The following MAGEB6 variants were observed in gnomAD, a reference collection of about 807,000 sequenced individuals.
MAGEB6 encodes the protein MAGE family member B6.
For synonymous variants in MAGEB6, 128 were observed against 136.2 expected, an observed-to-expected ratio of 0.94 and a Z score of 0.42; for missense variants, 327 against 329.7, an observed-to-expected ratio of 0.99 and a Z score of 0.06.
At chrX:26,193,605 T>C (rs1385704769) in intron 1 of MAGEB6, among the ~76,000 whole-genome samples, 181 bp from the exon 2 acceptor site, 30 of 109,971 alleles carry the variant, frequency 2.7e-4, no homozygotes, top group African/African-American at 9.6e-4. Flanking sequence ...GCTGTCATGC[T>C]ATAGTCTAAT....
chrX:26,194,436 A>G lies in MAGEB6; in HGVS notation c.590A>G (p.Lys197Arg). The change falls in exon 2 of 2, where the codon AAG (lysine) becomes AGG (arginine). Residue 197 changes from lysine to arginine, a missense_variant. By Grantham distance (26) the Lys-to-Arg change is conservative. Coordinates refer to ENST00000379034, the MANE Select transcript of MAGEB6 (RefSeq NM_173523.2). ...CGCTTAAGCAAAGATGCTGTAAAGA[A>G]GAAGGCGTGCACGTTGGCGCAATTC... The part of the protein sequence containing the change: ...FKRLSKDAVK[K>R]KACTLAQFLQ... 1 of 1,212,172 alleles carries G rather than the reference A, an allele frequency of 8.2e-7. No homozygotes were observed. The highest frequency in any genetic ancestry group is 1.1e-6 in the Non-Finnish European group (1 of 895,635).
Position 26,193,692 on chromosome X carries a change from G to C in MAGEB6, c.-61-94G>C, listed in dbSNP as rs1816677144. On this transcript the variant is annotated intron_variant, in intron 1 of 1. Transcript: ENST00000379034. ...AGTCCTGTGGGTTCCTAGAGCAGCT[G>C]TTCTGCGGAAACCTGCAGAAGGGGC... 3 of 514,664 alleles carry C rather than the reference G, an allele frequency of 5.8e-6. No homozygotes were observed. The Admixed American group carries it at 1.2e-4, about 21-fold the overall frequency. 42.4% of individuals were successfully genotyped at this position (514,664 alleles called of 1,213,427 possible). A position where few individuals can be genotyped will look rare whatever the true frequency, so the allele number is the denominator to read the frequency against.
chrX:26,194,538 C>T lies in MAGEB6; in HGVS notation c.692C>T (p.Pro231Leu). The stretch of plus-strand genomic sequence containing the variant: ...AAGTGTGTCCGCAGAGAGTACAAGC[C>T]CTACTTCCCTCAGATCCTCAACAGA... Reference protein sequence around the residue: ...MLKCVRREYKPYFPQILNRTS... With the variant: ...MLKCVRREYKLYFPQILNRTS... The change falls in exon 2 of 2, where the codon CCC becomes CTC. Residue 231 changes from proline (P) to leucine (L), a missense_variant. Transcript: ENST00000379034. 8.3e-7 allele frequency: 1 copy of T among 1,211,131 alleles called. No individual in the cohort carries two copies. Among genetic ancestry groups the T allele is most frequent in the Non-Finnish European group, 1.1e-6 (1 of 895,218 alleles).
At position 26,194,609 on chromosome X, in the gene MAGEB6, A is replaced by G; in HGVS notation, c.763A>G (p.Met255Val). 2 of 1,210,672 alleles carry G rather than the reference A, an allele frequency of 1.7e-6. No individual in the cohort carries two copies. Among genetic ancestry groups the G allele is most frequent in the Non-Finnish European group, 2.2e-6 (2 of 895,198 alleles). Residue 255 changes from methionine (M) to valine (V), a missense_variant, in exon 2 of 2, where the codon ATG becomes GTG. Coordinates refer to ENST00000379034, the MANE Select transcript of MAGEB6 (RefSeq NM_173523.2). ...GGCCTTTGGCGTTGAATTGAAAGAA[A>G]TGGATTCCAGCGGCGAGTCCTACAC... ...VVAFGVELKEMDSSGESYTLV... is the reference protein window; with the variant it reads ...VVAFGVELKEVDSSGESYTLV...
At chrX:26,193,053 C>T (rs185739677) in intron 1 of MAGEB6, among the ~76,000 whole-genome samples, 2 of 110,861 alleles carry the variant, frequency 1.8e-5, no homozygotes, top group African/African-American at 6.6e-5. Context: ...ACTCAAATGC[C>T]TCCGCTGTTG....
chrX:26,194,092 C>A lies in MAGEB6; in HGVS notation c.246C>A (p.Ser82=), dbSNP rs1265822439. ...ATGCAGTTGTTTCATATTCAAAATC[C>A]GATGTGGCTGCCAACGGCCAAGATG... ...SPDAVVSYSK[S]DVAANGQDEK... Residue 82 remains serine, a synonymous_variant, in exon 2 of 2, where the codon TCC becomes TCA. Coordinates refer to ENST00000379034, the MANE Select transcript of MAGEB6 (RefSeq NM_173523.2). 8.3e-7 allele frequency: 1 copy of A among 1,209,993 alleles called. No homozygotes were observed. The highest frequency in any genetic ancestry group is 1.1e-6 in the Non-Finnish European group (1 of 895,045).
rs1437536388 is a variant in MAGEB6 at position 26,194,747 on chromosome X, T to A, written c.901T>A (p.Cys301Ser). The A allele has an allele frequency of 8.3e-7, 1 of 1,209,776 alleles. No homozygotes were observed. The highest frequency in any genetic ancestry group is 2.2e-5 in the Admixed American group (1 of 45,678). Residue 301 changes from cysteine to serine, a missense_variant, in exon 2 of 2, where the codon TGT becomes AGT. Transcript: ENST00000379034. ...GGTTGTGATCTTCATGAACGGCAACTGTGCCACTGAAGAGGAGGTCTGGGA... is the reference window on the plus strand; with the variant it reads ...GGTTGTGATCTTCATGAACGGCAACAGTGCCACTGAAGAGGAGGTCTGGGA... ...LLVVIFMNGN[C>S]ATEEEVWEFL...
At chrX:26,192,832 G>A (rs776146270) in intron 1 of MAGEB6, among the ~76,000 whole-genome samples, 2 of 111,788 alleles carry the variant, frequency 1.8e-5, no homozygotes, top group Non-Finnish European at 3.8e-5. Context: ...GGGTTGCACC[G>A]AACTCTGCCC....
chrX:26,194,724 T>G lies in MAGEB6; in HGVS notation c.878T>G (p.Val293Gly), dbSNP rs753566928. 23 of 1,209,183 alleles carry G rather than the reference T, an allele frequency of 1.9e-5. No homozygotes were observed. In the Admixed American group the frequency reaches 4.2e-4, roughly 22 times the overall value. ...PKSGLLMSLL[V>G]VIFMNGNCAT... ...TCGGGTCTCCTGATGTCGCTCCTGG[T>G]TGTGATCTTCATGAACGGCAACTGT... Residue 293 changes from valine (V) to glycine (G), a missense_variant, in exon 2 of 2, where the codon GTT becomes GGT. Physicochemically the swap from Val to Gly is moderately radical, Grantham distance 109. Transcript: ENST00000379034.
intron 1 of MAGEB6, among the ~76,000 whole-genome samples, chrX:26,192,813 T>C (rs1349879196): frequency 8.9e-6 from 1 of 111,887 alleles, no homozygotes; most frequent in Non-Finnish European, 1.9e-5. Flanking sequence ...GGATTCCATG[T>C]CCCGTAACGG....
In MAGEB6 at chrX:26,194,382, G is replaced by A. The variant is rs755535839; in HGVS notation, c.536G>A (p.Ser179Asn). ...GAGGGTGAAGATGAGGAAAGTGTAA[G>A]CGCCTCACAGAAAGCCATCATTTTT... ...AAEGEDEESV[S>N]ASQKAIIFKR... Residue 179 changes from serine (S) to asparagine (N), a missense_variant, in exon 2 of 2, where the codon AGC becomes AAC. Coordinates refer to ENST00000379034, the MANE Select transcript of MAGEB6 (RefSeq NM_173523.2). The A allele has an allele frequency of 1.2e-5, 15 of 1,210,742 alleles. No individual in the cohort carries two copies. The South Asian group carries it at 2.3e-4, about 18-fold the overall frequency.
rs767084349 is a variant in MAGEB6 at position 26,194,710 on chromosome X, G to A, written c.864G>A (p.Leu288=). ...GDNALPKSGL[L]MSLLVVIFMN... ...ATGCGCTGCCGAAGTCGGGTCTCCTGATGTCGCTCCTGGTTGTGATCTTCA... is the reference window on the plus strand; with the variant it reads ...ATGCGCTGCCGAAGTCGGGTCTCCTAATGTCGCTCCTGGTTGTGATCTTCA... The change falls in exon 2 of 2, where the codon CTG becomes CTA. Residue 288 remains leucine (L), a synonymous_variant. Transcript: ENST00000379034. The A allele has an allele frequency of 8.3e-7, 1 of 1,211,645 alleles. No homozygotes were observed. Among genetic ancestry groups the A allele is most frequent in the South Asian group, 1.8e-5 (1 of 56,968 alleles).
intron 1 of MAGEB6, among the ~76,000 whole-genome samples, chrX:26,192,915 CAG>C (rs1366920296): frequency 1.8e-5 from 2 of 111,279 alleles, no homozygotes; most frequent in Non-Finnish European, 3.8e-5. Flanking sequence ...CTGTGAGAGT[CAG>C]AGAGGTAGGC....
rs755446278 is a variant in MAGEB6, at chrX:26,194,294, G to C, written c.448G>C (p.Gly150Arg). The change falls in exon 2 of 2, where the codon GGA (glycine) becomes CGA (arginine). Residue 150 changes from glycine (G) to arginine (R), a missense_variant. Transcript: ENST00000379034. ...TGTCTCCGTTCCTCAGGAGTCTCAG[G>C]GAGCTTCACCCACTGGCTCGCCTGA... ...HDVSVPQESQ[G>R]ASPTGSPDAG... is the part of the protein sequence containing the mutation. 8.3e-6 allele frequency: 10 copies of C among 1,207,784 alleles called. No homozygotes were observed. Among genetic ancestry groups the C allele is most frequent in the Non-Finnish European group, 1.1e-5 (10 of 894,835 alleles).
Position 26,194,653 on chromosome X carries a change from C to A in MAGEB6, c.807C>A (p.Gly269=), listed in dbSNP as rs1400089887. The change falls in exon 2 of 2, where the codon GGC becomes GGA. Residue 269 remains glycine (G), a synonymous_variant. Coordinates refer to ENST00000379034, the MANE Select transcript of MAGEB6 (RefSeq NM_173523.2). ...GESYTLVSKL[G]LPSEGILSGD... Reference sequence around the variant, plus strand: ...CCTACACCCTTGTCAGCAAGCTAGGCCTCCCCAGTGAAGGAATTCTGAGTG... The same window carrying A: ...CCTACACCCTTGTCAGCAAGCTAGGACTCCCCAGTGAAGGAATTCTGAGTG... 2 of 1,211,396 alleles carry A rather than the reference C, an allele frequency of 1.7e-6. No individual in the cohort carries two copies. The highest frequency in any genetic ancestry group is 3.5e-5 in the South Asian group (2 of 56,947).
Position 26,195,378 on chromosome X carries a change from T to C in MAGEB6, c.*308T>C. The C allele has an allele frequency of 4.2e-6, 1 of 237,866 alleles. No homozygotes were observed. The highest frequency in any genetic ancestry group is 8.0e-6 in the Non-Finnish European group (1 of 125,243). The allele number at this position is 237,866 out of a possible 1,213,427, so 19.6% of individuals were successfully genotyped here. Reference sequence around the variant, plus strand: ...ATAACATAGCTCTCACATTCATGGCTGTTTAACCAATCTGAAAGTTACGGT... The same window carrying C: ...ATAACATAGCTCTCACATTCATGGCCGTTTAACCAATCTGAAAGTTACGGT... On this transcript the variant is annotated 3_prime_UTR_variant, in exon 2 of 2. Coordinates refer to ENST00000379034, the MANE Select transcript of MAGEB6 (RefSeq NM_173523.2).
At position 26,195,149 on chromosome X, in the gene MAGEB6, C is replaced by G. The variant is rs142297823; in HGVS notation, c.*79C>G. 3.9e-3 allele frequency: 4,205 copies of G among 1,086,691 alleles called. 92 individuals carry two copies. The African/African-American group carries it at 0.064, about 16-fold the overall frequency. 89.6% of individuals were successfully genotyped at this position (1,086,691 alleles called of 1,213,427 possible). On this transcript the variant is annotated 3_prime_UTR_variant, in exon 2 of 2. Coordinates refer to ENST00000379034, the MANE Select transcript of MAGEB6 (RefSeq NM_173523.2). ...CAGATCCTCCCATTTCTAGGGAGGT[C>G]TGAAGTAGAATTTTCACTTTATGTT...
At position 26,194,226 on chromosome X, in the gene MAGEB6, C is replaced by T. The variant is rs201644419; in HGVS notation, c.380C>T (p.Ala127Val). 12 of 1,194,979 alleles carry T rather than the reference C, an allele frequency of 1.0e-5. No homozygotes were observed. The highest frequency in any genetic ancestry group is 1.2e-5 in the Non-Finnish European group (11 of 887,428). ...AGVSGSKYDV[A>V]ANGQDEKSPS... ...GTTTCAGGCTCAAAATATGATGTGG[C>T]TGCCAACGGCCAAGATGAGAAAAGT... Residue 127 changes from alanine to valine, a missense_variant, in exon 2 of 2, where the codon GCT becomes GTT. By Grantham distance (64) the Ala-to-Val change is moderately conservative. Transcript: ENST00000379034.
In MAGEB6 at chrX:26,195,222, G is replaced by A. The variant is rs1269879275; in HGVS notation, c.*152G>A. ...AAGTAGTGCAGTATAGTAGAGGCTG[G>A]AGGGAACAAGATATGTATCTTTCTT... On this transcript the variant is annotated 3_prime_UTR_variant, in exon 2 of 2. Coordinates refer to ENST00000379034, the MANE Select transcript of MAGEB6 (RefSeq NM_173523.2). The A allele has an allele frequency of 1.1e-5, 6 of 570,666 alleles. No homozygotes were observed. The East Asian group carries it at 2.1e-4, about 20-fold the overall frequency. 47.0% of individuals were successfully genotyped at this position (570,666 alleles called of 1,213,427 possible). A position where few individuals can be genotyped will look rare whatever the true frequency, so the allele number is the denominator to read the frequency against.
Sources: gnomAD v4.1 joint callset for allele counts (sites outside exome capture counted in the v4.1 genomes callset) on GRCh38, gnomAD v4.1.1 for gene constraint, MANE v1.5 for transcripts, NCBI Gene and HGNC (gene_info 2026-07-23, HGNC 2026-07-21) for gene names.